The following TAFA2 variants were observed in gnomAD, a reference collection of about 807,000 sequenced individuals.
The protein encoded by TAFA2 is chemokine-like protein TAFA-2.
A neutral mutation model predicts 18.8 loss-of-function variants in TAFA2; 7 were observed. That is an observed-to-expected ratio of 0.37 (90% CI 0.21 to 0.70). The LOEUF is 0.70. TAFA2 is among the 30% of genes least tolerant of loss of function. TAFA2 has a pLI of 0.53. For missense variants in TAFA2, 122 were observed against 158.1 expected, an observed-to-expected ratio of 0.77 and a Z score of 1.23; for synonymous variants, 60 against 54.2, an observed-to-expected ratio of 1.11 and a Z score of -0.47.
intron 1 of TAFA2, among the ~76,000 whole-genome samples, chr12:61,959,575 A>G (rs1016207956): frequency 6.6e-6 from 1 of 152,086 alleles, no homozygotes; most frequent in African/African-American, 2.4e-5. Flanking sequence ...TCTTAGATAT[A>G]TGCTTTGTTG....
At chr12:62,015,572 T>G (rs1158132483) in intron 1 of TAFA2, among the ~76,000 whole-genome samples, 1 of 152,214 alleles carries the variant, frequency 6.6e-6, no homozygotes, top group East Asian at 1.9e-4. Flanking sequence ...GTGCAAACAA[T>G]GTACCAGACA....
At chr12:62,012,704 A>C (rs1352181071) in intron 1 of TAFA2, among the ~76,000 whole-genome samples, 3 of 152,198 alleles carry the variant, frequency 2.0e-5, no homozygotes, top group African/African-American at 7.2e-5. Context: ...AAAACACAGC[A>C]CCCAAAATTT....
chr12:61,734,945 C>A (rs1479199804), intron 4 of TAFA2, among the ~76,000 whole-genome samples: 1 of 151,968 alleles, frequency 6.6e-6, no homozygotes, highest in African/African-American at 2.4e-5. Context: ...ATCTCCTCAA[C>A]TGTAAAAGGA....
intron 1 of TAFA2, among the ~76,000 whole-genome samples, chr12:61,931,073 C>T (rs151303009): frequency 2.0e-5 from 3 of 152,142 alleles, no homozygotes; most frequent in East Asian, 1.9e-4. Context: ...AAAGAAATTG[C>T]GCTGTTCAAG....
intron 1 of TAFA2, among the ~76,000 whole-genome samples, chr12:62,054,254 A>G (rs1882130290): frequency 6.6e-6 from 1 of 152,232 alleles, no homozygotes; most frequent in Non-Finnish European, 1.5e-5. Flanking sequence ...AAGCCTGTCT[A>G]TGTGTGTACA....
At position 61,730,462 on chromosome 12, in the gene TAFA2, C is replaced by G. The variant is rs550541123; in HGVS notation, c.385-20045G>C. Among the ~76,000 whole-genome samples, 6 of 152,134 alleles carry G rather than the reference C, an allele frequency of 3.9e-5. No individual in the cohort carries two copies. In the South Asian group the frequency reaches 1.2e-3, roughly 32 times the overall value. ...TGGGTTTCTCAGGCAATGGGTGGGG[C>G]CGTAGAGCTCCTACAAGCTTACGTC... On this transcript the variant is annotated intron_variant, in intron 4 of 4. Transcript: ENST00000416284.
intron 1 of TAFA2, among the ~76,000 whole-genome samples, chr12:62,091,711 C>T (rs578225692): frequency 6.6e-6 from 1 of 151,968 alleles, no homozygotes; most frequent in Admixed American, 6.6e-5. Flanking sequence ...GCCACATCCC[C>T]TAGGTGATCC....
chr12:61,819,023 T>G (rs1592409991), intron 2 of TAFA2, among the ~76,000 whole-genome samples: 1 of 152,290 alleles, frequency 6.6e-6, no homozygotes, highest in Non-Finnish European at 1.5e-5. Context: ...CCTAACCTAG[T>G]CCCCATCCAG....
intron 1 of TAFA2, among the ~76,000 whole-genome samples, chr12:62,045,008 A>T (rs1439062639): frequency 6.6e-6 from 1 of 152,062 alleles, no homozygotes; most frequent in Non-Finnish European, 1.5e-5. Context: ...CAAAGACAAC[A>T]TTCTTTTTGC....
intron 1 of TAFA2, among the ~76,000 whole-genome samples, chr12:61,895,333 C>A (rs1266810378): frequency 6.6e-6 from 1 of 152,126 alleles, no homozygotes; most frequent in Non-Finnish European, 1.5e-5. Flanking sequence ...TGTCTTAATT[C>A]CATGGTTTTT....
intron 1 of TAFA2, among the ~76,000 whole-genome samples, chr12:61,992,698 C>A (rs1880051909): frequency 6.6e-6 from 1 of 152,186 alleles, no homozygotes; most frequent in Admixed American, 6.5e-5. Flanking sequence ...TCACTACTCA[C>A]CACCTCCTCC....
intron 1 of TAFA2, among the ~76,000 whole-genome samples, chr12:61,968,370 T>A (rs1457305282): frequency 1.3e-5 from 2 of 151,810 alleles, no homozygotes; most frequent in Admixed American, 1.3e-4. Flanking sequence ...ATTAGTACTC[T>A]ACATATGAAT....
intron 2 of TAFA2, among the ~76,000 whole-genome samples, chr12:61,864,690 G>A (rs530753192): frequency 7.4e-5 from 11 of 148,706 alleles, no homozygotes; most frequent in Non-Finnish European, 1.5e-4. Context: ...CGAGAATGGC[G>A]TGAACCCGGG....
intron 4 of TAFA2, among the ~76,000 whole-genome samples, chr12:61,717,489 C>T (rs192500029): frequency 2.7e-3 from 405 of 152,274 alleles, no homozygotes; most frequent in Non-Finnish European, 4.0e-3. Flanking sequence ...CTCCAAAGAA[C>T]TGCTTTTGCT....
At chr12:61,891,049 T>C (rs1017553341) in intron 1 of TAFA2, among the ~76,000 whole-genome samples, 2 of 152,226 alleles carry the variant, frequency 1.3e-5, no homozygotes, top group African/African-American at 4.8e-5. Flanking sequence ...CTGTGTTCTA[T>C]TTCTGGAGCT....
intron 1 of TAFA2, among the ~76,000 whole-genome samples, chr12:62,057,445 T>C (rs1479069522): frequency 6.6e-6 from 1 of 152,176 alleles, no homozygotes; most frequent in Non-Finnish European, 1.5e-5. Flanking sequence ...CTGTGTTTTC[T>C]TTCTAATTAT....
chr12:61,909,931 C>T (rs1242248117), intron 1 of TAFA2, among the ~76,000 whole-genome samples: 2 of 152,098 alleles, frequency 1.3e-5, no homozygotes, highest in Admixed American at 6.5e-5. Context: ...ATGGGGCATA[C>T]ATTTAACTAA....
chr12:62,101,992 G>GA (rs556457328), intron 1 of TAFA2, among the ~76,000 whole-genome samples: 42 of 148,734 alleles, frequency 2.8e-4, no homozygotes, highest in African/African-American at 3.9e-4. Context: ...AAGATTCATA[G>GA]AAAAAAAAAA....
At chr12:62,185,208 T>C (rs2062578039) in intron 1 of TAFA2, among the ~76,000 whole-genome samples, 1 of 152,210 alleles carries the variant, frequency 6.6e-6, no homozygotes, top group Admixed American at 6.5e-5. Flanking sequence ...TTAGATTTAG[T>C]CCAAGAACTA....
Sources: allele counts gnomAD v4.1 joint callset (sites outside exome capture counted in the v4.1 genomes callset), GRCh38; gene constraint gnomAD v4.1.1; transcripts MANE v1.5; gene names NCBI Gene and HGNC (gene_info 2026-07-23, HGNC 2026-07-21).